Variants in PDE3B observed in about 807,000 individuals in gnomAD.
The protein encoded by PDE3B is phosphodiesterase 3B.
PDE3B carries 66 observed loss-of-function variants against 116.8 expected under a neutral mutation model. The ratio of observed to expected loss-of-function variants is 0.56; its 90% CI spans 0.46 to 0.69. The LOEUF is 0.69. Ranked by LOEUF, PDE3B falls within the 30% of genes least tolerant of loss-of-function variation. PDE3B has a pLI of 0.00. For missense variants in PDE3B, 1,384 were observed against 1,368.1 expected (o/e 1.01, Z -0.18); for synonymous variants, 595 against 533.6 (o/e 1.12, Z -1.59).
At chr11:14,892,185 A>T in the PDE3B span, 4 of 1,610,374 alleles carry the variant, frequency 2.5e-6, no homozygotes, top group Non-Finnish European at 3.4e-6. Context: ...CGCCCTCTTC[A>T]GCTCTCCAAA....
intron 5 of PDE3B, among the ~76,000 whole-genome samples, chr11:14,811,196 G>T (rs375303319): frequency 5.4e-4 from 82 of 151,826 alleles, no homozygotes; most frequent in Admixed American, 1.6e-3. Flanking sequence ...GTCAATTTTG[G>T]CTTTTGTTGC....
chr11:14,826,451 C>T (rs754815361), intron 7 of PDE3B, among the ~76,000 whole-genome samples: 11 of 151,868 alleles, frequency 7.2e-5, no homozygotes, highest in Admixed American at 5.2e-4. Context: ...TACCACTGAC[C>T]CCACAGAAAT....
chr11:14,660,332 C>T (rs955941166), intron 1 of PDE3B, among the ~76,000 whole-genome samples: 12 of 147,114 alleles, frequency 8.2e-5, no homozygotes, highest in East Asian at 2.0e-4. Flanking sequence ...GGTGGGGTCT[C>T]GCCCTGTTGC....
intron 8 of PDE3B, among the ~76,000 whole-genome samples, chr11:14,831,100 T>C (rs953079451): frequency 6.6e-5 from 10 of 151,744 alleles, no homozygotes; most frequent in African/African-American, 2.4e-4. Flanking sequence ...ATATAAAATA[T>C]ATTATTTTCT....
intron 1 of PDE3B, among the ~76,000 whole-genome samples, chr11:14,750,478 G>A (rs1356903177): frequency 6.6e-6 from 1 of 151,980 alleles, no homozygotes; most frequent in Non-Finnish European, 1.5e-5. Context: ...CACTATAGTT[G>A]TTGCAGATAT....
intron 1 of PDE3B, among the ~76,000 whole-genome samples, chr11:14,747,002 C>T (rs1482072554): frequency 1.3e-5 from 2 of 152,178 alleles, no homozygotes; most frequent in Admixed American, 6.6e-5. Flanking sequence ...GTGCCAGCAT[C>T]TGCTCCTGGC....
chr11:14,846,496 C>T (rs1384066810), intron 12 of PDE3B, among the ~76,000 whole-genome samples: 2 of 152,148 alleles, frequency 1.3e-5, no homozygotes, highest in Non-Finnish European at 2.9e-5. Flanking sequence ...ACAATATTAA[C>T]TTTAAATGTA....
chr11:14,648,114 TAAAC>T, intron 1 of PDE3B, among the ~76,000 whole-genome samples: 1 of 152,158 alleles, frequency 6.6e-6, no homozygotes, highest in African/African-American at 2.4e-5. Context: ...TAATCAGAAT[TAAAC>T]AAGCTACATT....
chr11:14,772,772 T>C (rs1272107955), intron 2 of PDE3B: 2 of 151,928 alleles, frequency 1.3e-5, no homozygotes, highest in African/African-American at 4.8e-5. Context: ...AAATCACTCA[T>C]AAAACATCAA....
At chr11:14,787,500 T>C (rs1208544181) in intron 3 of PDE3B, among the ~76,000 whole-genome samples, 1 of 151,966 alleles carries the variant, frequency 6.6e-6, no homozygotes, top group Admixed American at 6.6e-5. Context: ...TAGGTAAATA[T>C]AGTTTTTGTA....
At chr11:14,662,433 T>C (rs946824298) in intron 1 of PDE3B, among the ~76,000 whole-genome samples, 9 of 152,096 alleles carry the variant, frequency 5.9e-5, no homozygotes, top group African/African-American at 1.4e-4. Flanking sequence ...AGCTCCTCAC[T>C]AGCAATGGAA....
intron 2 of PDE3B, among the ~76,000 whole-genome samples, chr11:14,786,137 C>A (rs568232974): frequency 6.6e-6 from 1 of 151,558 alleles, no homozygotes; most frequent in African/African-American, 2.4e-5. Context: ...GAAATAAATG[C>A]TTTGTATGTT....
At chr11:14,682,385 A>T (rs1165157074) in intron 1 of PDE3B, among the ~76,000 whole-genome samples, 1 of 152,188 alleles carries the variant, frequency 6.6e-6, no homozygotes, top group Non-Finnish European at 1.5e-5. Flanking sequence ...CAGTACCATG[A>T]TGAATAAGAG....
intron 1 of PDE3B, chr11:14,698,936 G>A (rs539675673): frequency 1.2e-3 from 178 of 152,020 alleles, no homozygotes; most frequent in African/African-American, 4.0e-3. Context: ...ATCATATGGG[G>A]ATCTTAAGAA....
intron 1 of PDE3B, among the ~76,000 whole-genome samples, chr11:14,757,623 G>C (rs1857230592): frequency 1.3e-5 from 1 of 77,782 alleles, no homozygotes; most frequent in Non-Finnish European, 2.4e-5. Context: ...GTCTGTTCAT[G>C]TCCTTCACCC....
intron 12 of PDE3B, among the ~76,000 whole-genome samples, chr11:14,853,382 G>A (rs560607318): frequency 6.6e-6 from 1 of 152,136 alleles, no homozygotes; most frequent in Non-Finnish European, 1.5e-5. Flanking sequence ...AAAGCATTTA[G>A]TAAATATTTG....
At chr11:14,779,142 A>G (rs1223988717) in intron 2 of PDE3B, among the ~76,000 whole-genome samples, 1 of 152,166 alleles carries the variant, frequency 6.6e-6, no homozygotes, top group African/African-American at 2.4e-5. Context: ...GAAATGAGCA[A>G]AGCCTCCAAG....
intron 2 of PDE3B, among the ~76,000 whole-genome samples, chr11:14,782,821 G>A (rs1441052291): frequency 6.6e-6 from 1 of 152,070 alleles, no homozygotes. Flanking sequence ...GAATGAACAG[G>A]CAACCTACAG....
At chr11:14,714,035 G>A (rs1477060163) in intron 1 of PDE3B, among the ~76,000 whole-genome samples, 1 of 152,106 alleles carries the variant, frequency 6.6e-6, no homozygotes, top group Non-Finnish European at 1.5e-5. Context: ...TGGTAGTGTG[G>A]TAGTGGCAGT....
Sources: gnomAD v4.1 joint callset for allele counts (sites outside exome capture counted in the v4.1 genomes callset) on GRCh38, gnomAD v4.1.1 for gene constraint, MANE v1.5 for transcripts, NCBI Gene and HGNC (gene_info 2026-07-23, HGNC 2026-07-21) for gene names.